CNTN4: variants seen among roughly 807,000 people sequenced by gnomAD.
CNTN4 encodes contactin-4.
CNTN4 carries 77 observed loss-of-function variants against 122.5 expected under a neutral mutation model. The ratio of observed to expected loss-of-function variants is 0.63; its 90% confidence interval spans 0.52 to 0.76. The LOEUF is 0.76. CNTN4 is among the 30% of genes least tolerant of loss of function. CNTN4 has a pLI of 0.00. For missense variants in CNTN4, 1,256 were observed against 1,259.1 expected, an observed-to-expected ratio of 1.00 and a Z score of 0.04; for synonymous variants, 512 against 447.0, an observed-to-expected ratio of 1.15 and a Z score of -1.83.
intron 13 of CNTN4, among the ~76,000 whole-genome samples, chr3:2,942,904 G>A (rs111910760): frequency 9.2e-5 from 14 of 152,036 alleles, no homozygotes; most frequent in African/African-American, 2.7e-4. Flanking sequence ...CAAAAACTTC[G>A]GAAAGCTTTC....
intron 3 of CNTN4, among the ~76,000 whole-genome samples, chr3:2,495,716 T>G (rs1266886720): frequency 6.6e-6 from 1 of 152,180 alleles, no homozygotes; most frequent in Non-Finnish European, 1.5e-5. Flanking sequence ...TACTAATGCC[T>G]GATGACCTGA....
chr3:2,217,348 A>G (rs921694246), intron 2 of CNTN4, among the ~76,000 whole-genome samples: 4 of 152,158 alleles, frequency 2.6e-5, no homozygotes, highest in Non-Finnish European at 5.9e-5. Context: ...GGGCTGGTCT[A>G]GTTCCAGGAT....
rs114421193 is a variant in CNTN4 at position 2,289,384 on chromosome 3, G to T, written c.-144-49794G>T. On this transcript the variant is annotated intron_variant, in intron 2 of 24. Coordinates refer to ENST00000418658, the MANE Select transcript of CNTN4 (RefSeq NM_175607.3). Reference sequence around the variant, plus strand: ...AGATTTCAAAACTTTTGTATGTTTAGTTTTCTCATCTGTGAAATGGCGATA... The same window carrying T: ...AGATTTCAAAACTTTTGTATGTTTATTTTTCTCATCTGTGAAATGGCGATA... Among the ~76,000 whole-genome samples, 746 of 152,238 alleles carry T rather than the reference G, an allele frequency of 4.9e-3. 5 individuals carry two copies. Among genetic ancestry groups the T allele is most frequent in the African/African-American group, 0.017 (715 of 41,542 alleles).
intron 3 of CNTN4, among the ~76,000 whole-genome samples, chr3:2,449,918 G>C (rs1326473208): frequency 1.3e-5 from 2 of 152,140 alleles, no homozygotes; most frequent in African/African-American, 4.8e-5. Flanking sequence ...GCAGGGAATG[G>C]GATGCAGTTG....
intron 3 of CNTN4, among the ~76,000 whole-genome samples, chr3:2,359,826 A>G (rs932698553): frequency 1.3e-5 from 2 of 152,216 alleles, no homozygotes; most frequent in African/African-American, 4.8e-5. Flanking sequence ...GTCGAGAGCC[A>G]CGGCACCTGG....
chr3:2,972,796 C>T (rs201879936), intron 13 of CNTN4, among the ~76,000 whole-genome samples: 3 of 152,058 alleles, frequency 2.0e-5, no homozygotes, highest in Non-Finnish European at 4.4e-5. Context: ...TCACAATGAG[C>T]TGTTCTCCTT....
chr3:2,439,722 A>G (rs1303792249), intron 3 of CNTN4, among the ~76,000 whole-genome samples: 2 of 151,982 alleles, frequency 1.3e-5, no homozygotes, highest in African/African-American at 4.8e-5. Context: ...AAGGGAAAGG[A>G]GTGAAAGGAA....
chr3:2,140,688 C>T lies in CNTN4; in HGVS notation c.-145+40049C>T, dbSNP rs185070881. 2.3e-3 allele frequency among the ~76,000 whole-genome samples: 357 copies of T among 152,296 alleles called. 1 individual carries two copies. The highest frequency in any genetic ancestry group is 8.3e-3 in the African/African-American group (345 of 41,562). On this transcript the variant is annotated intron_variant, in intron 2 of 24. Transcript: ENST00000418658. The stretch of plus-strand genomic sequence containing the variant: ...GATATGAATTTTGGGGGAACATAAA[C>T]ATTCAGACCATAGCATAGGCCAATT...
chr3:2,731,795 G>A (rs1363344988), intron 4 of CNTN4, among the ~76,000 whole-genome samples: 1 of 152,204 alleles, frequency 6.6e-6, no homozygotes, highest in African/African-American at 2.4e-5. Flanking sequence ...TAAATAAATG[G>A]TAGTGGTTAC....
chr3:2,840,433 G>A (rs62234217), intron 7 of CNTN4, among the ~76,000 whole-genome samples: 25,079 of 151,238 alleles, frequency 0.17, 2,286 homozygotes, highest in South Asian at 0.22. Context: ...CGGCGCGGTG[G>A]CTCACGCCTG....
intron 4 of CNTN4, among the ~76,000 whole-genome samples, chr3:2,604,903 A>G (rs1323712403): frequency 3.3e-5 from 5 of 152,212 alleles, no homozygotes; most frequent in East Asian, 3.9e-4. Context: ...CTACCCTCTT[A>G]GTACCTTTTT....
intron 24 of CNTN4, among the ~76,000 whole-genome samples, 168 bp downstream of exon 24, chr3:3,054,143 C>CA (rs1276151803): frequency 6.6e-6 from 1 of 152,144 alleles, no homozygotes; most frequent in Non-Finnish European, 1.5e-5. Flanking sequence ...CAGTTTCATG[C>CA]AAAAATCAGT....
At chr3:2,556,418 C>G (rs2078722772) in intron 3 of CNTN4, among the ~76,000 whole-genome samples, 1 of 152,306 alleles carries the variant, frequency 6.6e-6, no homozygotes, top group African/African-American at 2.4e-5. Context: ...TATCCTCAAT[C>G]AGGATGCAGC....
intron 3 of CNTN4, among the ~76,000 whole-genome samples, chr3:2,343,497 G>C (rs2044284480): frequency 6.6e-6 from 1 of 152,088 alleles, no homozygotes; most frequent in African/African-American, 2.4e-5. Context: ...GACTGGTCGC[G>C]GGTCACTCCT....
intron 3 of CNTN4, among the ~76,000 whole-genome samples, chr3:2,390,065 A>C (rs2046387865): frequency 6.6e-6 from 1 of 152,188 alleles, no homozygotes; most frequent in African/African-American, 2.4e-5. Flanking sequence ...TGTTTACATA[A>C]TAATACTATA....
intron 3 of CNTN4, among the ~76,000 whole-genome samples, chr3:2,412,314 C>T (rs1188942590): frequency 1.3e-5 from 2 of 151,774 alleles, no homozygotes; most frequent in African/African-American, 4.8e-5. Context: ...TGCAGTGGCG[C>T]TATCTCGGCT....
chr3:2,676,011 A>G (rs2084824017), intron 4 of CNTN4, among the ~76,000 whole-genome samples: 2 of 152,222 alleles, frequency 1.3e-5, no homozygotes, highest in Non-Finnish European at 2.9e-5. Flanking sequence ...TTAAAATAAT[A>G]TAATGATACT....
At chr3:2,563,532 C>G (rs548439973) in intron 3 of CNTN4, among the ~76,000 whole-genome samples, 2 of 152,210 alleles carry the variant, frequency 1.3e-5, no homozygotes, top group African/African-American at 4.8e-5. Flanking sequence ...TACGTTATCT[C>G]CAACATTGTT....
intron 4 of CNTN4, among the ~76,000 whole-genome samples, chr3:2,574,537 A>G (rs1030474957): frequency 1.3e-5 from 2 of 152,150 alleles, no homozygotes; most frequent in African/African-American, 4.8e-5. Flanking sequence ...TTTTCGCCAG[A>G]TGACTCAGTG....
Sources: allele counts gnomAD v4.1 joint callset (sites outside exome capture counted in the v4.1 genomes callset), GRCh38; gene constraint gnomAD v4.1.1; transcripts MANE v1.5; gene names NCBI Gene and HGNC (gene_info 2026-07-23, HGNC 2026-07-21).